The following GNG7 variants were observed in gnomAD, a reference collection of about 807,000 sequenced individuals.
The protein encoded by GNG7 is guanine nucleotide-binding protein G(I)/G(S)/G(O) subunit gamma-7.
GNG7 carries 1 observed loss-of-function variant against 4.0 expected under a neutral mutation model. The ratio of observed to expected loss-of-function variants is 0.25; its 90% CI spans 0.09 to 1.18. The LOEUF (loss-of-function observed/expected upper bound fraction) is 1.18, where lower values mean the gene tolerates loss of function less well. GNG7 is among the 50% of genes most tolerant of loss of function. The pLI is 0.50. For missense variants in GNG7, 86 were observed against 91.9 expected, an observed-to-expected ratio of 0.94 and a Z score of 0.26; for synonymous variants, 34 against 36.9, an observed-to-expected ratio of 0.92 and a Z score of 0.29.
intron 3 of GNG7, 69 bp downstream of exon 3, chr19:2,555,080 G>A (rs965443099): frequency 5.9e-5 from 9 of 152,104 alleles, no homozygotes; most frequent in Middle Eastern, 3.2e-3. Flanking sequence ...AAAGACTGGG[G>A]CTTGTTTGTT....
intron 1 of GNG7, among the ~76,000 whole-genome samples, chr19:2,661,333 A>AAAGAAAGAAAGG (rs1983168792): frequency 6.8e-5 from 10 of 146,124 alleles, no homozygotes; most frequent in African/African-American, 2.3e-4. Flanking sequence ...AGAAAGAAAG[A>AAAGAAAGAAAGG]AAGAAAGAAA....
intron 2 of GNG7, among the ~76,000 whole-genome samples, chr19:2,567,331 TTG>T (rs3221748): frequency 3.9e-4 from 53 of 137,226 alleles, no homozygotes; most frequent in African/African-American, 1.4e-3. Context: ...TGTCGTCGAT[TTG>T]TGTGTGTGTG....
intron 2 of GNG7, among the ~76,000 whole-genome samples, chr19:2,622,969 T>A (rs1011370142): frequency 1.3e-5 from 2 of 152,190 alleles, no homozygotes; most frequent in Non-Finnish European, 2.9e-5. Context: ...TCCTTCTTCC[T>A]GGGGGTGTGT....
chr19:2,658,990 A>T (rs1331695828), intron 1 of GNG7, among the ~76,000 whole-genome samples: 6 of 150,338 alleles, frequency 4.0e-5, no homozygotes, highest in Non-Finnish European at 5.9e-5. Flanking sequence ...TTTTTTTTGA[A>T]ATGGAGTCTC....
chr19:2,660,477 G>T (rs1328546386), intron 1 of GNG7, among the ~76,000 whole-genome samples: 4 of 152,208 alleles, frequency 2.6e-5, no homozygotes, highest in African/African-American at 9.6e-5. Flanking sequence ...AGACAAGCTA[G>T]AAAGTAGACG....
intron 2 of GNG7, among the ~76,000 whole-genome samples, chr19:2,573,864 A>G (rs1347304793): frequency 6.6e-6 from 1 of 152,156 alleles, no homozygotes; most frequent in Non-Finnish European, 1.5e-5. Flanking sequence ...AAACAATAAA[A>G]GTGGGATTGG....
chr19:2,621,208 C>T (rs141906131), intron 2 of GNG7, among the ~76,000 whole-genome samples: 99 of 152,222 alleles, frequency 6.5e-4, no homozygotes, highest in African/African-American at 2.3e-3. Flanking sequence ...ATGACTGTTA[C>T]GGACTAATTG....
intron 2 of GNG7, among the ~76,000 whole-genome samples, chr19:2,629,641 C>T (rs923408202): frequency 8.5e-5 from 13 of 152,158 alleles, no homozygotes; most frequent in South Asian, 4.1e-4. Flanking sequence ...GACAGAAGAG[C>T]GTAGCCCTGA....
chr19:2,639,426 C>T (rs540300291), intron 2 of GNG7, among the ~76,000 whole-genome samples: 1 of 151,860 alleles, frequency 6.6e-6, no homozygotes, highest in South Asian at 2.1e-4. Flanking sequence ...AGAGAACGGT[C>T]GGATTCACCG....
At chr19:2,542,107 C>CTTTTTTTTTTT (rs1175526574) in intron 3 of GNG7, among the ~76,000 whole-genome samples, 3 of 64,566 alleles carry the variant, frequency 4.6e-5, no homozygotes, top group African/African-American at 6.7e-5. Flanking sequence ...GCTGTGTGTT[C>CTTTTTTTTTTT]TTTTTTTTTT....
At chr19:2,548,645 C>T (rs976215005) in intron 3 of GNG7, among the ~76,000 whole-genome samples, 7 of 150,614 alleles carry the variant, frequency 4.6e-5, no homozygotes, top group South Asian at 4.2e-4. Flanking sequence ...AAAAATTAGC[C>T]GGGCCTGGTG....
At chr19:2,684,098 G>A (rs1269802324) in intron 1 of GNG7, among the ~76,000 whole-genome samples, 1 of 151,524 alleles carries the variant, frequency 6.6e-6, no homozygotes, top group Non-Finnish European at 1.5e-5. Context: ...AAGCCAGGTG[G>A]CTCACTTGAG....
chr19:2,612,130 C>T (rs1981588025), intron 2 of GNG7, among the ~76,000 whole-genome samples: 1 of 152,136 alleles, frequency 6.6e-6, no homozygotes, highest in South Asian at 2.1e-4. Flanking sequence ...ACCCTGGCCT[C>T]CCAAAGTGCT....
chr19:2,634,776 CA>C lies in GNG7; in HGVS notation c.-78+11447del, dbSNP rs1276974975. On this transcript the variant is annotated intron_variant, in intron 2 of 4. Coordinates refer to ENST00000382159, the MANE Select transcript of GNG7 (RefSeq NM_052847.3). This position sits in a 1 kb window ranked among gnomAD's most constrained non-coding sequence, Gnocchi z 5.3. ...GACATGCTGAAATCTGGTGACCGAC[CA>C]GGGGGAAATAAACCCGCTCTGACTG... 1.3e-5 allele frequency among the ~76,000 whole-genome samples: 2 copies of C among 151,908 alleles called. No individual in the cohort carries two copies. Among genetic ancestry groups the C allele is most frequent in the Admixed American group, 6.6e-5 (1 of 15,258 alleles).
chr19:2,637,702 T>C (rs927450267), intron 2 of GNG7, among the ~76,000 whole-genome samples: 1 of 152,230 alleles, frequency 6.6e-6, no homozygotes, highest in African/African-American at 2.4e-5. Flanking sequence ...CATCAGAGCC[T>C]GATGATTCTC....
At chr19:2,553,677 A>C in intron 3 of GNG7, among the ~76,000 whole-genome samples, 1 of 143,538 alleles carries the variant, frequency 7.0e-6, no homozygotes, top group South Asian at 2.1e-4. Context: ...TACATGTAAT[A>C]TGTTATATTA....
At chr19:2,640,540 G>A (rs757216149) in intron 2 of GNG7, among the ~76,000 whole-genome samples, 9 of 152,204 alleles carry the variant, frequency 5.9e-5, no homozygotes, top group Non-Finnish European at 1.2e-4. Flanking sequence ...CCCAGCACAG[G>A]CTTGGCAAGA....
chr19:2,679,289 A>C (rs1983671115), intron 1 of GNG7, among the ~76,000 whole-genome samples: 2 of 152,082 alleles, frequency 1.3e-5, no homozygotes, highest in African/African-American at 4.8e-5. Flanking sequence ...GGGCTCAAGC[A>C]ATCCTCCCAC....
chr19:2,567,390 G>A (rs1379422322), intron 2 of GNG7, among the ~76,000 whole-genome samples: 1 of 132,160 alleles, frequency 7.6e-6, no homozygotes, highest in Non-Finnish European at 1.6e-5. Flanking sequence ...TGGAGTGCCC[G>A]TGGTGCAATC....
Sources: gnomAD v4.1 joint callset for allele counts (sites outside exome capture counted in the v4.1 genomes callset) on GRCh38, gnomAD v4.1.1 for gene constraint, Gnocchi (gnomAD v3.1) non-coding constraint, MANE v1.5 for transcripts, NCBI Gene and HGNC (gene_info 2026-07-23, HGNC 2026-07-21) for gene names.